DENND11: variants seen among roughly 807,000 people sequenced by gnomAD.
DENND11 encodes the protein DENN domain-containing protein 11.
A neutral mutation model predicts 49.2 loss-of-function variants in DENND11; 34 were observed. That is an observed-to-expected ratio of 0.69 (90% CI 0.53 to 0.92). The LOEUF is 0.92. Among genes scored for constraint, DENND11 ranks in the 40% least tolerant of loss-of-function variants. The probability of loss-of-function intolerance (pLI) is 0.00; values close to 1 mark genes in which losing one functional copy is unlikely to be tolerated. For missense variants in DENND11, 475 were observed against 581.6 expected (o/e 0.82, Z 1.88); for synonymous variants, 238 against 230.3 (o/e 1.03, Z -0.30).
intron 3 of DENND11, among the ~76,000 whole-genome samples, chr7:141,683,326 C>A (rs1798176813): frequency 6.6e-6 from 1 of 152,146 alleles, no homozygotes. Context: ...CCAGAACATA[C>A]TGATATGAAC....
intron 3 of DENND11, among the ~76,000 whole-genome samples, chr7:141,685,025 A>ATATAT (rs1450234330): frequency 3.9e-5 from 4 of 102,058 alleles, no homozygotes; most frequent in African/African-American, 1.3e-4. Context: ...AAAAAAAAAA[A>ATATAT]AAAAATATAT....
intron 2 of DENND11, 107 bp downstream of exon 2, chr7:141,686,452 T>C: frequency 2.9e-6 from 2 of 686,012 alleles, no homozygotes; most frequent in Non-Finnish European, 5.2e-6. Flanking sequence ...TTTCAAGGCA[T>C]TTACACACAG....
chr7:141,670,364 C>G (rs1420227293), intron 4 of DENND11, among the ~76,000 whole-genome samples: 1 of 152,028 alleles, frequency 6.6e-6, no homozygotes, highest in Non-Finnish European at 1.5e-5. Context: ...CCTCTGTATC[C>G]CCTAATACCA....
intron 1 of DENND11, among the ~76,000 whole-genome samples, chr7:141,694,221 T>C (rs535300862): frequency 1.3e-5 from 2 of 152,286 alleles, no homozygotes; most frequent in Non-Finnish European, 2.9e-5. Context: ...AATGATACTA[T>C]GGTGATGTAG....
At chr7:141,691,117 C>T (rs1017878988) in intron 1 of DENND11, among the ~76,000 whole-genome samples, 3 of 152,212 alleles carry the variant, frequency 2.0e-5, no homozygotes, top group African/African-American at 7.2e-5. Context: ...TTTCTCAGTA[C>T]CTTCATGAGT....
In DENND11 at chr7:141,683,499, C is replaced by T. The variant is rs139981949; in HGVS notation, c.527+1979G>A. ...ACTAAAAAAAAATAAATAAATTAGC[C>T]GGCTGTGGTGGCGGGCCCCTGTAAT... On this transcript the variant is annotated intron_variant, in intron 3 of 8. Transcript: ENST00000536163. 6.3e-3 allele frequency among the ~76,000 whole-genome samples: 963 copies of T among 152,138 alleles called. 5 individuals are homozygous for T. Among genetic ancestry groups the T allele is most frequent in the African/African-American group, 0.022 (913 of 41,498 alleles).
At chr7:141,680,506 C>G (rs975019411) in intron 3 of DENND11, among the ~76,000 whole-genome samples, 1 of 151,924 alleles carries the variant, frequency 6.6e-6, no homozygotes, top group Non-Finnish European at 1.5e-5. Context: ...GTAACAGAAC[C>G]TTCCAAATTT....
chr7:141,699,916 T>TCACACACACA (rs145606748), intron 1 of DENND11, among the ~76,000 whole-genome samples: 8 of 146,890 alleles, frequency 5.4e-5, no homozygotes, highest in African/African-American at 1.5e-4. Flanking sequence ...AAACCATCAC[T>TCACACACACA]CACACACACA....
At chr7:141,698,642 G>A (rs1392051297) in intron 1 of DENND11, among the ~76,000 whole-genome samples, 1 of 152,090 alleles carries the variant, frequency 6.6e-6, no homozygotes, top group Admixed American at 6.5e-5. Context: ...GGCCAGCCTA[G>A]CTTTCCAAAA....
intron 3 of DENND11, among the ~76,000 whole-genome samples, chr7:141,676,683 G>A (rs961373178): frequency 6.6e-6 from 1 of 152,168 alleles, no homozygotes; most frequent in Non-Finnish European, 1.5e-5. Flanking sequence ...AAACAAGATT[G>A]TCAAACTACA....
At chr7:141,673,780 T>C (rs1798021131) in intron 4 of DENND11, among the ~76,000 whole-genome samples, 1 of 152,206 alleles carries the variant, frequency 6.6e-6, no homozygotes, top group African/African-American at 2.4e-5. Flanking sequence ...TGTCTAGTGT[T>C]AAAATATCAG....
At chr7:141,700,732 A>T (rs1392311083) in intron 1 of DENND11, among the ~76,000 whole-genome samples, 1 of 152,116 alleles carries the variant, frequency 6.6e-6, no homozygotes, top group Non-Finnish European at 1.5e-5. Context: ...GGAGCTCCAC[A>T]GTGAATCCCA....
chr7:141,678,990 G>C (rs1798108233), intron 3 of DENND11, among the ~76,000 whole-genome samples: 1 of 152,188 alleles, frequency 6.6e-6, no homozygotes, highest in Non-Finnish European at 1.5e-5. Context: ...GAGAGATACT[G>C]AGGGCAAAAA....
chr7:141,687,321 T>G (rs1223572242), intron 1 of DENND11, among the ~76,000 whole-genome samples: 1 of 152,190 alleles, frequency 6.6e-6, no homozygotes, highest in Admixed American at 6.5e-5. Context: ...CATTGATTAT[T>G]CAGTTTCTCC....
At chr7:141,668,603 C>A (rs1472050542) in intron 4 of DENND11, among the ~76,000 whole-genome samples, 2 of 150,230 alleles carry the variant, frequency 1.3e-5, no homozygotes, top group Admixed American at 1.3e-4. Flanking sequence ...AAACAAACAA[C>A]AAACAAAAAC....
At position 141,674,231 on chromosome 7, in the gene DENND11, ACAC is replaced by A. The variant is rs1429209858; in HGVS notation, c.528-14_528-12del. ...ATCTCCAACTGGTGCCTGCAGAAAAACACACACACACACACACACACACACACA... is the reference window on the plus strand; with the variant it reads ...ATCTCCAACTGGTGCCTGCAGAAAAAACACACACACACACACACACACACA... On this transcript the variant is annotated splice_polypyrimidine_tract_variant and intron_variant, in intron 3 of 8. Transcript: ENST00000536163. The A allele has an allele frequency of 8.5e-5, 20 of 235,056 alleles. No individual in the cohort carries two copies. Among genetic ancestry groups the A allele is most frequent in the Non-Finnish European group, 1.4e-4 (20 of 140,374 alleles). The allele number at this position is 235,056 out of a possible 1,614,324, so 14.6% of individuals were successfully genotyped here. A position where few individuals can be genotyped will look rare whatever the true frequency, so the allele number is the denominator to read the frequency against.
In DENND11 at chr7:141,661,521, T is replaced by A. The variant is rs1014653592; in HGVS notation, c.*1135A>T. ...ATTTTCTCTCAACAAATCTGTTATG[T>A]CCCTGGATCCAATTATTTAGCCTAA... On this transcript the variant is annotated 3_prime_UTR_variant, in exon 9 of 9. Transcript: ENST00000536163. 2 of 152,250 alleles carry A rather than the reference T, an allele frequency of 1.3e-5. No individual in the cohort carries two copies. Among genetic ancestry groups the A allele is most frequent in the Non-Finnish European group, 2.9e-5 (2 of 68,052 alleles). 9.4% of individuals were successfully genotyped at this position (152,250 alleles called of 1,614,324 possible).
Position 141,662,325 on chromosome 7 carries a change from C to T in DENND11, c.*331G>A. The T allele has an allele frequency of 3.7e-6, 1 of 272,370 alleles. No homozygotes were observed. 16.9% of individuals were successfully genotyped at this position (272,370 alleles called of 1,614,324 possible). ...AATACATCAAGGGACAAAGACCACA[C>T]AGACTTTCTGAACAGTCCATCCCAA... is the stretch of plus-strand genomic sequence containing the variant. On this transcript the variant is annotated 3_prime_UTR_variant, in exon 9 of 9. Coordinates refer to ENST00000536163, the MANE Select transcript of DENND11 (RefSeq NM_001080392.2).
chr7:141,665,147 G>T, intron 6 of DENND11, 40 bp downstream of exon 6: 1 of 1,612,072 alleles, frequency 6.2e-7, no homozygotes. Flanking sequence ...GAGCAGGGCT[G>T]GGACCTGAGG....
Sources: gnomAD v4.1 joint callset for allele counts (sites outside exome capture counted in the v4.1 genomes callset) on GRCh38, gnomAD v4.1.1 for gene constraint, MANE v1.5 for transcripts, NCBI Gene and HGNC (gene_info 2026-07-23, HGNC 2026-07-21) for gene names.